The following SGCG variants were observed in gnomAD, a reference collection of about 807,000 sequenced individuals.
SGCG encodes sarcoglycan gamma, also known as gamma-sarcoglycan.
Under a neutral mutation model 29.3 loss-of-function variants are expected in SGCG, and 26 were observed. That is an observed-to-expected ratio of 0.89 (90% CI 0.65 to 1.23). The LOEUF is 1.23. SGCG is among the 50% of genes most tolerant of loss of function. SGCG has a pLI of 0.00. For synonymous variants in SGCG, 145 were observed against 129.7 expected (o/e 1.12, Z -0.80); for missense variants, 353 against 356.0 (o/e 0.99, Z 0.07).
chr13:23,170,503 A>G, the SGCG span: 4 of 152,378 alleles, frequency 2.6e-5, no homozygotes, highest in South Asian at 4.1e-4. Flanking sequence ...CTATGTGTCC[A>G]TGAAATGTCC....
At chr13:23,250,847 G>A in intron 4 of SGCG, 130 bp downstream of exon 4, 1 of 725,208 alleles carries the variant, frequency 1.4e-6, no homozygotes. Flanking sequence ...TAAATATCAT[G>A]CTGTGTTGAC....
intron 1 of SGCG, among the ~76,000 whole-genome samples, chr13:23,185,275 T>A (rs1455098404): frequency 1.3e-5 from 2 of 152,156 alleles, no homozygotes; most frequent in African/African-American, 4.8e-5. Context: ...CACTACACCC[T>A]CCGCCTTCTG....
At chr13:23,192,003 G>A (rs1202604086) in intron 1 of SGCG, among the ~76,000 whole-genome samples, 7 of 151,614 alleles carry the variant, frequency 4.6e-5, no homozygotes, top group South Asian at 2.1e-4. Context: ...GCGAAACCCC[G>A]TCTCTACTGA....
intron 6 of SGCG, among the ~76,000 whole-genome samples, chr13:23,303,970 C>T (rs486525): frequency 0.72 from 109,780 of 151,970 alleles, 41,550 homozygotes; most frequent in East Asian, 0.89. Context: ...TTAGAAATTA[C>T]ATCTCATTAT....
chr13:23,260,897 A>G (rs1336071584), intron 4 of SGCG, among the ~76,000 whole-genome samples: 1 of 152,176 alleles, frequency 6.6e-6, no homozygotes, highest in Non-Finnish European at 1.5e-5. Flanking sequence ...CTTTCTGCCA[A>G]GAGATCTGCT....
chr13:23,270,520 G>A (rs1880833124), intron 4 of SGCG, among the ~76,000 whole-genome samples: 1 of 152,020 alleles, frequency 6.6e-6, no homozygotes, highest in African/African-American at 2.4e-5. Context: ...TTTTCTATCA[G>A]AATTGTCATT....
At chr13:23,195,424 G>C (rs1877451101) in intron 1 of SGCG, among the ~76,000 whole-genome samples, 2 of 151,830 alleles carry the variant, frequency 1.3e-5, no homozygotes, top group South Asian at 4.2e-4. Context: ...AACATTTGTA[G>C]GCCTGTGGGT....
chr13:23,250,748 T>G (rs1480337239), intron 4 of SGCG, 31 bp downstream of exon 4: 1 of 1,275,368 alleles, frequency 7.8e-7, no homozygotes. Flanking sequence ...GTGCTTTGCA[T>G]GCATGTTGTC....
chr13:23,279,909 G>A (rs1593216660), intron 5 of SGCG, among the ~76,000 whole-genome samples: 1 of 150,646 alleles, frequency 6.6e-6, no homozygotes, highest in Admixed American at 6.6e-5. Context: ...TGTATTTTTC[G>A]TAGAGGCAGG....
intron 3 of SGCG, among the ~76,000 whole-genome samples, chr13:23,239,693 G>A (rs773997586): frequency 7.2e-5 from 11 of 152,254 alleles, no homozygotes; most frequent in East Asian, 3.9e-4. Context: ...AACAAAGACC[G>A]TAACAGAAAA....
chr13:23,292,162 T>C (rs1291982154), intron 5 of SGCG, among the ~76,000 whole-genome samples: 3 of 151,804 alleles, frequency 2.0e-5, no homozygotes, highest in Non-Finnish European at 4.4e-5. Context: ...CAGGCTAGAG[T>C]GCAATGGTAC....
chr13:23,215,089 A>G (rs987781000), intron 2 of SGCG, among the ~76,000 whole-genome samples: 13 of 152,180 alleles, frequency 8.5e-5, no homozygotes, highest in African/African-American at 3.1e-4. Flanking sequence ...ATTTAACCAT[A>G]TTACAGCAAT....
chr13:23,299,583 G>C (rs1161364938), intron 6 of SGCG, among the ~76,000 whole-genome samples: 7 of 149,254 alleles, frequency 4.7e-5, no homozygotes, highest in African/African-American at 1.7e-4. Flanking sequence ...CTCCTGAGTA[G>C]CTGAGATGAC....
At chr13:23,195,584 G>A (rs999352173) in intron 1 of SGCG, among the ~76,000 whole-genome samples, 2 of 151,902 alleles carry the variant, frequency 1.3e-5, no homozygotes, top group Admixed American at 6.6e-5. Flanking sequence ...GTATTTTGTA[G>A]GGAACTTTTT....
chr13:23,306,723 G>A (rs996914650), intron 6 of SGCG, among the ~76,000 whole-genome samples: 1 of 152,098 alleles, frequency 6.6e-6, no homozygotes, highest in African/African-American at 2.4e-5. Flanking sequence ...GACAACTTAT[G>A]GTGTGGCTTA....
chr13:23,249,928 T>A (rs1879896732), intron 3 of SGCG, among the ~76,000 whole-genome samples: 1 of 152,206 alleles, frequency 6.6e-6, no homozygotes, highest in Non-Finnish European at 1.5e-5. Flanking sequence ...AAAAATTTTT[T>A]TGTTTAGGTA....
chr13:23,198,188 A>T (rs960824960), intron 1 of SGCG, among the ~76,000 whole-genome samples: 1 of 149,504 alleles, frequency 6.7e-6, no homozygotes, highest in African/African-American at 2.4e-5. Flanking sequence ...CTTTTCAAAA[A>T]TCATATGATA....
intron 3 of SGCG, among the ~76,000 whole-genome samples, chr13:23,237,242 C>A (rs758196496): frequency 4.1e-4 from 63 of 152,138 alleles, no homozygotes; most frequent in South Asian, 4.1e-4. Flanking sequence ...ATCCACCATG[C>A]CCATTAGTTC....
chr13:23,203,168 C>T (rs1222048473), intron 1 of SGCG, among the ~76,000 whole-genome samples: 1 of 152,094 alleles, frequency 6.6e-6, no homozygotes, highest in Non-Finnish European at 1.5e-5. Context: ...ACCATGTTAG[C>T]CAGGATGGTC....
Sources: gnomAD v4.1 joint callset for allele counts (sites outside exome capture counted in the v4.1 genomes callset) on GRCh38, gnomAD v4.1.1 for gene constraint, MANE v1.5 for transcripts, NCBI Gene and HGNC (gene_info 2026-07-23, HGNC 2026-07-21) for gene names.